The following TNS1 variants were observed in gnomAD, a reference collection of about 807,000 sequenced individuals.
The protein encoded by TNS1 is tensin-1.
A neutral mutation model predicts 168.6 loss-of-function variants in TNS1; 62 were observed. That is an observed-to-expected ratio of 0.37 (90% CI 0.30 to 0.45). TNS1 has a LOEUF of 0.45. Ranked by LOEUF, TNS1 falls within the 20% of genes least tolerant of loss-of-function variation. The pLI is 1.00. For synonymous variants in TNS1, 934 were observed against 933.2 expected (o/e 1.00, Z -0.02); for missense variants, 2,240 against 2,339.4 (o/e 0.96, Z 0.88).
intron 19 of TNS1, among the ~76,000 whole-genome samples, chr2:217,843,563 C>T (rs1055924795): frequency 6.6e-6 from 1 of 152,206 alleles, no homozygotes; most frequent in African/African-American, 2.4e-5. Context: ...TGGTTTCTGT[C>T]ACCAACACGC....
At chr2:217,825,913 G>A (rs900793596) in intron 22 of TNS1, among the ~76,000 whole-genome samples, 58 of 152,344 alleles carry the variant, frequency 3.8e-4, no homozygotes, top group African/African-American at 1.3e-3. Context: ...GACACTGGGA[G>A]TCTGAACTTG....
At chr2:217,871,208 C>G (rs1206697267) in intron 18 of TNS1, among the ~76,000 whole-genome samples, 4 of 152,224 alleles carry the variant, frequency 2.6e-5, no homozygotes, top group African/African-American at 9.6e-5. Flanking sequence ...CTAACCCAAA[C>G]CTCTCCTGCT....
At chr2:217,935,175 T>G (rs906883312) in intron 3 of TNS1, among the ~76,000 whole-genome samples, 20 of 151,582 alleles carry the variant, frequency 1.3e-4, no homozygotes, top group Non-Finnish European at 2.5e-4. Flanking sequence ...GAAGGCAGGG[T>G]GAGGAGGGGG....
chr2:217,929,164 C>G (rs531484143), intron 3 of TNS1, among the ~76,000 whole-genome samples: 2 of 152,328 alleles, frequency 1.3e-5, no homozygotes, highest in East Asian at 3.9e-4. Flanking sequence ...CCCAAGCCAG[C>G]CTGGAAGAAG....
At chr2:217,815,117 C>T (rs1941677491) in intron 24 of TNS1, 119 bp from the exon 25 acceptor site, 2 of 746,046 alleles carry the variant, frequency 2.7e-6, no homozygotes, top group East Asian at 5.4e-5. Flanking sequence ...AGGGTCTTTG[C>T]AGATGTAGAC....
At chr2:217,854,144 A>G (rs1947846100) in intron 18 of TNS1, among the ~76,000 whole-genome samples, 1 of 152,138 alleles carries the variant, frequency 6.6e-6, no homozygotes, top group South Asian at 2.1e-4. Context: ...TGGCACACAC[A>G]TGGCTGGAGG....
intron 32 of TNS1, among the ~76,000 whole-genome samples, chr2:217,805,477 A>ACCACACACACAC (rs1938418416): frequency 2.9e-5 from 1 of 33,910 alleles, no homozygotes; most frequent in African/African-American, 1.5e-4. Context: ...CACACACACC[A>ACCACACACACAC]CACACACCAC....
rs1942262224 is a variant in TNS1 at position 217,818,378 on chromosome 2, A to T, written c.3954T>A (p.His1318Gln). The T allele has an allele frequency of 6.2e-7, 1 of 1,614,168 alleles. No homozygotes were observed. Among genetic ancestry groups the T allele is most frequent in the Non-Finnish European group, 8.5e-7 (1 of 1,180,028 alleles). ...MAAPSSPSLSHHQMMGPPGTG... is the reference protein window; with the variant it reads ...MAAPSSPSLSQHQMMGPPGTG... Reference sequence around the variant, plus strand: ...TGCCTGGTGGACCCATCATCTGGTGATGGCTCAAACTGGGACTGCTGGGGG... The same window carrying T: ...TGCCTGGTGGACCCATCATCTGGTGTTGGCTCAAACTGGGACTGCTGGGGG... The change falls in exon 24 of 33, where the codon CAT (histidine) becomes CAA (glutamine). Residue 1318 changes from histidine (H) to glutamine (Q), a missense_variant. His to Gln is a conservative substitution (Grantham distance 24). Coordinates refer to ENST00000682258, the MANE Select transcript of TNS1 (RefSeq NM_001387777.1).
At chr2:217,920,149 G>A (rs1477659464) in intron 4 of TNS1, 46 bp downstream of exon 4, 3 of 702,876 alleles carry the variant, frequency 4.3e-6, no homozygotes, top group African/African-American at 1.7e-5. Context: ...GAGCTGCGGA[G>A]GGAGAGGAGG....
At chr2:217,903,688 A>T in intron 6 of TNS1, 1 of 1,282,222 alleles carries the variant, frequency 7.8e-7, no homozygotes, top group Non-Finnish European at 1.1e-6. Context: ...TACTTTTCTC[A>T]CTGTCAGGAA....
chr2:217,954,097 C>T (rs1273971894), intron 3 of TNS1, among the ~76,000 whole-genome samples: 1 of 152,166 alleles, frequency 6.6e-6, no homozygotes, highest in African/African-American at 2.4e-5. Flanking sequence ...CTAATAAGCC[C>T]GCCAGGCTCT....
intron 12 of TNS1, among the ~76,000 whole-genome samples, chr2:217,887,911 G>T (rs1951365556): frequency 2.0e-5 from 3 of 152,226 alleles, no homozygotes. Flanking sequence ...GAGTCAGCTA[G>T]ACCAATCAGA....
intron 18 of TNS1, chr2:217,850,323 G>C (rs1430870262): frequency 1.0e-6 from 1 of 985,212 alleles, no homozygotes; most frequent in East Asian, 1.1e-4. Context: ...GATGCAGGGG[G>C]TTCAGGGACT....
rs118123787 is a variant in TNS1 at position 218,032,174 on chromosome 2, G to A, written c.156+1646C>T. Among the ~76,000 whole-genome samples the A allele has an allele frequency of 9.6e-4, 146 of 152,346 alleles. 1 individual carries two copies. The East Asian group carries it at 0.021, about 22-fold the overall frequency. ...CCACCTGGGAGGGGCAGGGCCCACA[G>A]CTGCAGGCACTGACAACCCAGAGCT... On this transcript the variant is annotated intron_variant, in intron 1 of 1. Coordinates refer to the TNS1 transcript ENST00000649572. This position sits in a 1 kb window ranked among gnomAD's most constrained non-coding sequence, Gnocchi z 4.0.
chr2:218,013,572 G>A (rs1327845733), upstream of TNS1, among the ~76,000 whole-genome samples: 1 of 152,086 alleles, frequency 6.6e-6, no homozygotes, highest in African/African-American at 2.4e-5. Context: ...TGAAGAGCTG[G>A]TCACCATCCT....
chr2:217,924,040 T>C (rs946345164), intron 3 of TNS1, among the ~76,000 whole-genome samples: 2 of 152,238 alleles, frequency 1.3e-5, no homozygotes, highest in African/African-American at 4.8e-5. Context: ...ACTCCCTGCA[T>C]GACCCAGGCT....
chr2:217,870,899 T>TG (rs1004065488), intron 18 of TNS1, among the ~76,000 whole-genome samples: 3 of 152,224 alleles, frequency 2.0e-5, no homozygotes, highest in Admixed American at 6.5e-5. Context: ...ACTGGGTCAG[T>TG]GGTGTCATCT....
intron 18 of TNS1, among the ~76,000 whole-genome samples, chr2:217,865,512 C>T (rs1168359779): frequency 6.6e-6 from 1 of 152,242 alleles, no homozygotes; most frequent in African/African-American, 2.4e-5. Context: ...TCTGATCTCA[C>T]TGCCCCTGGA....
chr2:217,979,275 C>A (rs16858524), intron 2 of TNS1, among the ~76,000 whole-genome samples: 28,922 of 151,912 alleles, frequency 0.19, 3,819 homozygotes, highest in African/African-American at 0.37. Context: ...AGTCCAGGAG[C>A]GGGCCCACGC....
Sources: gnomAD v4.1 joint callset for allele counts (sites outside exome capture counted in the v4.1 genomes callset) on GRCh38, gnomAD v4.1.1 for gene constraint, Gnocchi (gnomAD v3.1) non-coding constraint, MANE v1.5 for transcripts, NCBI Gene and HGNC (gene_info 2026-07-23, HGNC 2026-07-21) for gene names.